ATP8A2: variants seen among roughly 807,000 people sequenced by gnomAD.
The protein encoded by ATP8A2 is ATPase phospholipid transporting 8A2.
ATP8A2 carries 100 observed loss-of-function variants against 165.6 expected under a neutral mutation model. That is an observed-to-expected ratio of 0.60 (90% CI 0.51 to 0.71). The LOEUF (loss-of-function observed/expected upper bound fraction) is 0.71, where lower values mean the gene tolerates loss of function less well. Among genes scored for constraint, ATP8A2 ranks in the 30% least tolerant of loss-of-function variants. The probability of loss-of-function intolerance (pLI) is 0.00; values close to 1 mark genes in which losing one functional copy is unlikely to be tolerated. For missense variants in ATP8A2, 1,227 were observed against 1,479.5 expected, an observed-to-expected ratio of 0.83 and a Z score of 2.80; for synonymous variants, 543 against 548.8, an observed-to-expected ratio of 0.99 and a Z score of 0.15.
intron 27 of ATP8A2, among the ~76,000 whole-genome samples, chr13:25,815,013 G>A (rs367842151): frequency 1.1e-4 from 16 of 151,736 alleles, no homozygotes; most frequent in East Asian, 7.7e-4. Flanking sequence ...CAGCCTGGGC[G>A]GCAGAGTGAG....
At chr13:25,527,615 A>T (rs548873938) in intron 2 of ATP8A2, among the ~76,000 whole-genome samples, 1 of 152,256 alleles carries the variant, frequency 6.6e-6, no homozygotes, top group South Asian at 2.1e-4. Context: ...TGCTTACTCT[A>T]TCTCAGGATG....
intron 2 of ATP8A2, among the ~76,000 whole-genome samples, chr13:25,514,842 C>A (rs904836838): frequency 1.3e-5 from 2 of 152,152 alleles, no homozygotes; most frequent in African/African-American, 2.4e-5. Context: ...TCCACAGGCT[C>A]CCCTGTCTCC....
At chr13:25,772,361 T>G (rs1435588961) in intron 26 of ATP8A2, among the ~76,000 whole-genome samples, 1 of 152,214 alleles carries the variant, frequency 6.6e-6, no homozygotes, top group Non-Finnish European at 1.5e-5. Context: ...ATGTTTTCTG[T>G]GCCCATTGAA....
At position 25,802,359 on chromosome 13, in the gene ATP8A2, A is replaced by T. The variant is rs562674012; in HGVS notation, c.2680-25759A>T. Reference sequence around the variant, plus strand: ...GTCTTGATCATCCGGGGGTAGGAAAAGCATTGAAAGATGGGATGACTAATG... The same window carrying T: ...GTCTTGATCATCCGGGGGTAGGAAATGCATTGAAAGATGGGATGACTAATG... On this transcript the variant is annotated intron_variant, in intron 27 of 36. Transcript: ENST00000381655. 4.6e-5 allele frequency among the ~76,000 whole-genome samples: 7 copies of T among 152,298 alleles called. No homozygotes were observed. The South Asian group carries it at 1.5e-3, about 32-fold the overall frequency.
intron 30 of ATP8A2, among the ~76,000 whole-genome samples, chr13:25,850,207 C>T (rs1593446332): frequency 6.6e-6 from 1 of 152,192 alleles, no homozygotes; most frequent in African/African-American, 2.4e-5. Context: ...TCTCCTTGCC[C>T]TTTAGGCCTT....
At chr13:25,584,554 A>G (rs1243541279) in intron 23 of ATP8A2, among the ~76,000 whole-genome samples, 1 of 152,198 alleles carries the variant, frequency 6.6e-6, no homozygotes, top group Non-Finnish European at 1.5e-5. Context: ...GCACTATACT[A>G]GGAGTGTTTT....
chr13:25,879,337 GT>G lies in ATP8A2; in HGVS notation c.3183+16930del, dbSNP rs1271794972. Among the ~76,000 whole-genome samples, 5 of 152,200 alleles carry G rather than the reference GT, an allele frequency of 3.3e-5. No homozygotes were observed. In the East Asian group the frequency reaches 5.8e-4, roughly 18 times the overall value. On this transcript the variant is annotated intron_variant, in intron 33 of 36. Transcript: ENST00000381655. Reference sequence around the variant, plus strand: ...GCCTTGACCTTAGAAGTTCAGGGCTGTAACCTAAACATGCTAAACTTTATTA... The same window carrying G: ...GCCTTGACCTTAGAAGTTCAGGGCTGAACCTAAACATGCTAAACTTTATTA...
At chr13:25,519,612 G>C (rs1479515167) in intron 2 of ATP8A2, among the ~76,000 whole-genome samples, 1 of 152,168 alleles carries the variant, frequency 6.6e-6, no homozygotes, top group Admixed American at 6.5e-5. Context: ...GGGAGACTGA[G>C]TGAATCATAG....
At chr13:26,004,449 C>A (rs945195127) in intron 35 of ATP8A2, among the ~76,000 whole-genome samples, 1 of 151,918 alleles carries the variant, frequency 6.6e-6, no homozygotes, top group African/African-American at 2.4e-5. Flanking sequence ...TTATGTGTAC[C>A]AACAAACAGA....
chr13:25,892,478 G>GTCTCTCTCTCTCTCTGTCTCTCTGTCTC (rs1555286136), intron 33 of ATP8A2, among the ~76,000 whole-genome samples: 3 of 136,178 alleles, frequency 2.2e-5, no homozygotes, highest in African/African-American at 8.9e-5. Context: ...CTGTCTCTCT[G>GTCTCTCTCTCTCTCTGTCTCTCTGTCTC]TCTCTCTCTC....
chr13:25,757,065 C>G (rs1352938024), intron 25 of ATP8A2, among the ~76,000 whole-genome samples: 1 of 152,170 alleles, frequency 6.6e-6, no homozygotes, highest in African/African-American at 2.4e-5. Flanking sequence ...TTCTCCTTCC[C>G]CACAGCATAC....
At chr13:25,813,382 T>TACATGATATG (rs1950925860) in intron 27 of ATP8A2, among the ~76,000 whole-genome samples, 1 of 147,116 alleles carries the variant, frequency 6.8e-6, no homozygotes, top group Non-Finnish European at 1.5e-5. Context: ...AGGATGATGA[T>TACATGATATG]ATATGATATG....
chr13:25,801,202 C>A (rs746549065), intron 27 of ATP8A2, among the ~76,000 whole-genome samples: 9 of 152,192 alleles, frequency 5.9e-5, no homozygotes, highest in Non-Finnish European at 7.3e-5. Context: ...TACTCTACTT[C>A]GGAGTGCAGT....
intron 35 of ATP8A2, among the ~76,000 whole-genome samples, chr13:25,990,257 A>C (rs1421427712): frequency 8.9e-6 from 1 of 112,564 alleles, no homozygotes; most frequent in Non-Finnish European, 1.8e-5. Flanking sequence ...CAAGCATGTA[A>C]CTGTAAAAAA....
intron 25 of ATP8A2, among the ~76,000 whole-genome samples, chr13:25,732,428 C>T (rs1194225956): frequency 6.6e-6 from 1 of 152,176 alleles, no homozygotes; most frequent in Non-Finnish European, 1.5e-5. Context: ...GAGCTCCAAG[C>T]TATGATTTGT....
At position 25,614,004 on chromosome 13, in the gene ATP8A2, CTG is replaced by C. The variant is rs967414314; in HGVS notation, c.2211+24309_2211+24310del. Among the ~76,000 whole-genome samples the C allele has an allele frequency of 7.9e-5, 12 of 152,288 alleles. 1 individual carries two copies. In the South Asian group the frequency reaches 1.7e-3, roughly 21 times the overall value. ...GTCTTGACTTTAGATAACCTGATGA[CTG>C]TGTACCTAGGCGATGATCTTTTTGC... On this transcript the variant is annotated intron_variant, in intron 24 of 36. Transcript: ENST00000381655.
intron 1 of ATP8A2, among the ~76,000 whole-genome samples, chr13:25,453,363 T>G (rs767174089): frequency 6.6e-6 from 1 of 152,026 alleles, no homozygotes; most frequent in Non-Finnish European, 1.5e-5. Context: ...TGACCTCAAG[T>G]GATCCATCCG....
intron 27 of ATP8A2, among the ~76,000 whole-genome samples, chr13:25,810,733 T>C (rs916929145): frequency 6.6e-6 from 1 of 152,106 alleles, no homozygotes; most frequent in Admixed American, 6.6e-5. Flanking sequence ...AATGGCTCAC[T>C]GAGAGCAATA....
chr13:25,690,129 G>T (rs1451443040), intron 24 of ATP8A2, among the ~76,000 whole-genome samples: 9 of 146,850 alleles, frequency 6.1e-5, no homozygotes, highest in African/African-American at 2.2e-4. Flanking sequence ...TATTTTCAGA[G>T]TTTTTTTTTT....
Sources: gnomAD v4.1 joint callset for allele counts (sites outside exome capture counted in the v4.1 genomes callset) on GRCh38, gnomAD v4.1.1 for gene constraint, MANE v1.5 for transcripts, NCBI Gene and HGNC (gene_info 2026-07-23, HGNC 2026-07-21) for gene names.